The following RBM27 variants were observed in gnomAD, a reference collection of about 807,000 sequenced individuals.
RBM27 encodes the protein RNA binding motif protein 27, also known as RNA-binding protein 27.
Under a neutral mutation model 135.3 loss-of-function variants are expected in RBM27, and 22 were observed. The observed-to-expected ratio is 0.16, with a 90% confidence interval of 0.12 to 0.23. The LOEUF is 0.23. Among genes scored for constraint, RBM27 ranks in the 10% least tolerant of loss-of-function variants. The pLI is 1.00. For missense variants in RBM27, 1,009 were observed against 1,281.0 expected, an observed-to-expected ratio of 0.79 and a Z score of 3.24; for synonymous variants, 481 against 442.4, an observed-to-expected ratio of 1.09 and a Z score of -1.10.
intron 9 of RBM27, among the ~76,000 whole-genome samples, chr5:146,253,292 G>A (rs1050887404): frequency 1.3e-5 from 2 of 152,004 alleles, no homozygotes; most frequent in Non-Finnish European, 2.9e-5. Flanking sequence ...CACTGCGCCC[G>A]GCCCAATTAT....
chr5:146,249,357 G>T (rs145285160), intron 8 of RBM27, among the ~76,000 whole-genome samples: 606 of 152,164 alleles, frequency 4.0e-3, no homozygotes, highest in Non-Finnish European at 5.7e-3. Context: ...GCCATTGATT[G>T]TGTGCTTACA....
At position 146,233,866 on chromosome 5, in the gene RBM27, A is replaced by G. The variant is rs1400355282; in HGVS notation, c.1144+123A>G. 6.7e-5 allele frequency: 41 copies of G among 610,276 alleles called. No individual in the cohort carries two copies. In the Middle Eastern group the frequency reaches 1.9e-3, roughly 28 times the overall value. 37.8% of individuals were successfully genotyped at this position (610,276 alleles called of 1,614,324 possible). A position where few individuals can be genotyped will look rare whatever the true frequency, so the allele number is the denominator to read the frequency against. On this transcript the variant is annotated intron_variant, in intron 7 of 20. Coordinates refer to ENST00000265271, the MANE Select transcript of RBM27 (RefSeq NM_018989.2). The stretch of plus-strand genomic sequence containing the variant: ...AGAGTAATAATATAATTTGGAATAT[A>G]TTCCCATAATTAAGATGCTATTCTT...
rs1489312587 is a variant in RBM27 at position 146,237,329 on chromosome 5, C to T, written c.1176C>T (p.Asn392=). 1.9e-6 allele frequency: 3 copies of T among 1,614,172 alleles called. No individual in the cohort carries two copies. The highest frequency in any genetic ancestry group is 2.5e-6 in the Non-Finnish European group (3 of 1,180,028). ...RPPITQSSLI[N]SRDQPGTSAV... ...CTATAACACAATCAAGCTTGATAAA[C>T]AGCCGTGACCAGCCTGGGACAAGTG... Residue 392 remains asparagine, a synonymous_variant, in exon 8 of 21, where the codon AAC becomes AAT. Coordinates refer to ENST00000265271, the MANE Select transcript of RBM27 (RefSeq NM_018989.2).
chr5:146,258,434 T>C lies in RBM27; in HGVS notation c.1595-15T>C. ...TCCTGAAAAACTCAGTAATTTCAATTTTTTTTTCCAACAGCTGCTAACATT... is the reference window on the plus strand; with the variant it reads ...TCCTGAAAAACTCAGTAATTTCAATCTTTTTTTCCAACAGCTGCTAACATT... On this transcript the variant is annotated splice_polypyrimidine_tract_variant and intron_variant, in intron 10 of 20. Coordinates refer to ENST00000265271, the MANE Select transcript of RBM27 (RefSeq NM_018989.2). 6.5e-7 allele frequency: 1 copy of C among 1,529,348 alleles called. No individual in the cohort carries two copies. Among genetic ancestry groups the C allele is most frequent in the Non-Finnish European group, 8.8e-7 (1 of 1,139,888 alleles). The allele number at this position is 1,529,348 out of a possible 1,614,324, so 94.7% of individuals were successfully genotyped here.
intron 18 of RBM27, 59 bp from the exon 19 acceptor site, chr5:146,271,424 T>G: frequency 7.0e-7 from 1 of 1,438,024 alleles, no homozygotes; most frequent in Non-Finnish European, 9.4e-7. Flanking sequence ...AAGTTTTCCT[T>G]TGTTTTTAAG....
At chr5:146,253,472 T>C (rs950306047) in intron 9 of RBM27, among the ~76,000 whole-genome samples, 1 of 152,028 alleles carries the variant, frequency 6.6e-6, no homozygotes, top group African/African-American at 2.4e-5. Context: ...ATTTTCAACA[T>C]CATTTAACAT....
At position 146,261,318 on chromosome 5, in the gene RBM27, A is replaced by T. The variant is rs1758386183; in HGVS notation, c.1894-192A>T. The T allele has an allele frequency of 6.5e-6, 4 of 616,772 alleles. No homozygotes were observed. The African/African-American group carries it at 7.4e-5, about 11-fold the overall frequency. The allele number at this position is 616,772 out of a possible 1,614,324, so 38.2% of individuals were successfully genotyped here. A position where few individuals can be genotyped will look rare whatever the true frequency, so the allele number is the denominator to read the frequency against. ...TCTTTTAAGGCCACCGATACTATTC[A>T]TTAGGATGCACCTTTGTGACCTCAT... is the stretch of plus-strand genomic sequence containing the variant. On this transcript the variant is annotated intron_variant, in intron 12 of 20. Coordinates refer to ENST00000265271, the MANE Select transcript of RBM27 (RefSeq NM_018989.2).
At chr5:146,242,000 AGGCT>A (rs965051051) in intron 8 of RBM27, among the ~76,000 whole-genome samples, 3 of 152,158 alleles carry the variant, frequency 2.0e-5, no homozygotes, top group African/African-American at 7.2e-5. Flanking sequence ...TTTGTTGCCC[AGGCT>A]GGTCTCAAAC....
At chr5:146,216,000 C>T (rs567961967) in intron 1 of RBM27, among the ~76,000 whole-genome samples, 6 of 152,266 alleles carry the variant, frequency 3.9e-5, no homozygotes, top group South Asian at 4.1e-4. Flanking sequence ...CCTCCTGCCT[C>T]GACCTCCCAA....
At chr5:146,239,631 CT>C (rs1188076432) in intron 8 of RBM27, among the ~76,000 whole-genome samples, 3 of 152,012 alleles carry the variant, frequency 2.0e-5, no homozygotes, top group African/African-American at 7.2e-5. Context: ...GCATGTATCA[CT>C]ATACCCAGCT....
Position 146,267,676 on chromosome 5 carries a change from A to G in RBM27, c.2359A>G (p.Met787Val). Residue 787 changes from methionine (M) to valine (V), a missense_variant, in exon 15 of 21, where the codon ATG becomes GTG. By Grantham distance (21) the Met-to-Val change is conservative. This residue lies in a region of RBM27 where 355 missense variants were observed against 427.3 expected (regional missense o/e 0.83). Transcript: ENST00000265271. ...QIFSTPGHPK[M>V]IYSSSNLKTP... is the part of the protein sequence containing the mutation. ...ATTTTCAACTCCAGGCCATCCAAAA[A>G]TGATTTACAGCTCCTCAAACTTAAA... The G allele has an allele frequency of 1.3e-6, 2 of 1,596,958 alleles. No homozygotes were observed. The highest frequency in any genetic ancestry group is 3.4e-5 in the Admixed American group (2 of 58,872).
At chr5:146,280,077 CAG>C (rs1759268244) in intron 19 of RBM27, among the ~76,000 whole-genome samples, 1 of 148,114 alleles carries the variant, frequency 6.8e-6, no homozygotes. Flanking sequence ...TTTTTGGAGA[CAG>C]AGTCTCAAGT....
In RBM27 at chr5:146,261,911, T is replaced by C. The variant is rs1289487305; in HGVS notation, c.2190+105T>C. On this transcript the variant is annotated intron_variant, in intron 13 of 20. Transcript: ENST00000265271. Reference sequence around the variant, plus strand: ...CTTCTACAGAAGAGCTACTCTTAATTTGAACTGCAGACCAGTAGCATCTGA... The same window carrying C: ...CTTCTACAGAAGAGCTACTCTTAATCTGAACTGCAGACCAGTAGCATCTGA... 4 of 1,171,274 alleles carry C rather than the reference T, an allele frequency of 3.4e-6. No individual in the cohort carries two copies. The African/African-American group carries it at 4.6e-5, about 13-fold the overall frequency. The allele number at this position is 1,171,274 out of a possible 1,614,324, so 72.6% of individuals were successfully genotyped here.
chr5:146,203,965 A>G (rs1200540542), intron 1 of RBM27, 141 bp downstream of exon 1: 16 of 820,518 alleles, frequency 1.9e-5, no homozygotes, highest in Non-Finnish European at 7.2e-6. Context: ...CTGTAGTACT[A>G]TCACCATTGT....
chr5:146,274,860 T>C (rs534236269), intron 19 of RBM27, among the ~76,000 whole-genome samples: 1 of 152,062 alleles, frequency 6.6e-6, no homozygotes, highest in South Asian at 2.1e-4. Context: ...ACTTTTTCTG[T>C]AAAGGACTAG....
intron 3 of RBM27, among the ~76,000 whole-genome samples, chr5:146,224,695 A>T (rs545862044): frequency 6.6e-6 from 1 of 152,246 alleles, no homozygotes; most frequent in South Asian, 2.1e-4. Flanking sequence ...AAAGAAAAAA[A>T]AAAATTACGA....
intron 1 of RBM27, among the ~76,000 whole-genome samples, chr5:146,208,872 T>C (rs554449071): frequency 1.8e-4 from 27 of 152,330 alleles, no homozygotes; most frequent in African/African-American, 6.3e-4. Context: ...TAAATATGTA[T>C]TATTCACTGC....
intron 11 of RBM27, among the ~76,000 whole-genome samples, chr5:146,260,290 C>T (rs1322522555): frequency 6.7e-6 from 1 of 149,604 alleles, no homozygotes; most frequent in African/African-American, 2.5e-5. Context: ...ATGAGTGAGA[C>T]TCCGTCTACA....
At chr5:146,205,986 C>T (rs1176464263) in intron 1 of RBM27, among the ~76,000 whole-genome samples, 2 of 152,114 alleles carry the variant, frequency 1.3e-5, no homozygotes, top group Non-Finnish European at 2.9e-5. Context: ...GGCCACTGCT[C>T]TCCAGCCTGG....
Sources: gnomAD v4.1 joint callset for allele counts (sites outside exome capture counted in the v4.1 genomes callset) on GRCh38, gnomAD v4.1.1 for gene constraint, gnomAD v4.1.1 regional missense constraint, MANE v1.5 for transcripts, NCBI Gene and HGNC (gene_info 2026-07-23, HGNC 2026-07-21) for gene names.